Variants in GLIS3 observed in about 807,000 individuals in gnomAD.
GLIS3 encodes the protein zinc finger protein GLIS3.
In GLIS3, 53 loss-of-function variants were observed where a neutral mutation model predicts 78.6. That is an observed-to-expected ratio of 0.67 (90% confidence interval 0.54 to 0.85). The LOEUF is 0.85. Among genes scored for constraint, GLIS3 ranks in the 40% least tolerant of loss-of-function variants. The pLI is 0.00. For synonymous variants in GLIS3, 684 were observed against 509.9 expected (o/e 1.34, Z -4.60); for missense variants, 1,703 against 1,231.1 (o/e 1.38, Z -5.74).
At chr9:3,965,194 T>TTTTC (rs1817848200) in intron 4 of GLIS3, among the ~76,000 whole-genome samples, 2 of 84,316 alleles carry the variant, frequency 2.4e-5, no homozygotes, top group East Asian at 4.7e-4. Flanking sequence ...TTTTCTTTTC[T>TTTTC]TTTTTTTTTT....
chr9:4,342,620 C>G (rs1817851117), intron 2 of GLIS3, among the ~76,000 whole-genome samples: 1 of 152,170 alleles, frequency 6.6e-6, no homozygotes, highest in African/African-American at 2.4e-5. Flanking sequence ...TAGTTCTTTT[C>G]TAATTCTGTG....
chr9:4,361,719 C>T, the GLIS3 span, among the ~76,000 whole-genome samples: 1 of 152,150 alleles, frequency 6.6e-6, no homozygotes, highest in African/African-American at 2.4e-5. Flanking sequence ...AGGGAAGAGT[C>T]GGCATTAAAA....
chr9:4,286,107 A>C lies in GLIS3; in HGVS notation c.319T>G (p.Ser107Ala). 1 of 1,613,546 alleles carries C rather than the reference A, an allele frequency of 6.2e-7. No individual in the cohort carries two copies. The highest frequency in any genetic ancestry group is 8.5e-7 in the Non-Finnish European group (1 of 1,179,490). ...RFQVTQAGGM[S>A]GSHTLKPKQQ... ...TTTGGCTTTAAAGTATGTGACCCTG[A>C]CATGCCTCCAGCCTGGGTGACCTGG... Residue 107 changes from serine to alanine, a missense_variant, in exon 2 of 11, where the codon TCA becomes GCA. By Grantham distance (99) the Ser-to-Ala change is moderately conservative. Coordinates refer to ENST00000381971, the MANE Select transcript of GLIS3 (RefSeq NM_001042413.2).
At chr9:4,397,119 G>A in the GLIS3 span, among the ~76,000 whole-genome samples, 63 of 137,854 alleles carry the variant, frequency 4.6e-4, 1 homozygote, top group Admixed American at 2.0e-3. Flanking sequence ...TCCACCTCCT[G>A]GGTTCACGCC....
chr9:4,245,303 C>T (rs956112635), intron 2 of GLIS3, among the ~76,000 whole-genome samples: 2 of 152,176 alleles, frequency 1.3e-5, no homozygotes, highest in Non-Finnish European at 2.9e-5. Context: ...CTCAGCATTC[C>T]ACACGGGATC....
the GLIS3 span, among the ~76,000 whole-genome samples, chr9:4,357,591 A>ATGTGTGTG: frequency 1.6e-5 from 2 of 127,808 alleles, no homozygotes; most frequent in African/African-American, 6.5e-5. Flanking sequence ...GTGTGTGTGC[A>ATGTGTGTG]TGTGTATGTG....
At chr9:4,191,284 G>C (rs185797635) in intron 2 of GLIS3, among the ~76,000 whole-genome samples, 1 of 152,126 alleles carries the variant, frequency 6.6e-6, no homozygotes, top group Admixed American at 6.6e-5. Flanking sequence ...GTATTTAGGA[G>C]TTTTCTTCTT....
chr9:4,345,397 T>C (rs1201648573), intron 2 of GLIS3, among the ~76,000 whole-genome samples: 8 of 152,258 alleles, frequency 5.3e-5, no homozygotes, highest in African/African-American at 1.7e-4. Context: ...TTCTTTTTTA[T>C]GACAATTGAC....
the GLIS3 span, among the ~76,000 whole-genome samples, chr9:4,451,872 C>G: frequency 6.7e-6 from 1 of 149,810 alleles, no homozygotes; most frequent in Non-Finnish European, 1.5e-5. Context: ...AAATTTATAG[C>G]ACTAAATGCC....
At chr9:3,835,695 ACCAT>A (rs767521990) in intron 9 of GLIS3, among the ~76,000 whole-genome samples, 6 of 152,236 alleles carry the variant, frequency 3.9e-5, no homozygotes, top group Non-Finnish European at 8.8e-5. Flanking sequence ...ATTAACAGAG[ACCAT>A]CCAATGTAAA....
At chr9:4,152,042 A>T in intron 2 of GLIS3, 1 of 613,788 alleles carries the variant, frequency 1.6e-6, no homozygotes, top group Non-Finnish European at 2.0e-6. Context: ...CCAGAACCTC[A>T]AACCCTCCCA....
chr9:3,955,802 G>T (rs1258026529), intron 4 of GLIS3, among the ~76,000 whole-genome samples: 1 of 151,988 alleles, frequency 6.6e-6, no homozygotes, highest in Non-Finnish European at 1.5e-5. Flanking sequence ...AATACACAAA[G>T]CTCTTCAGAA....
At chr9:4,081,372 A>G (rs1031269757) in intron 4 of GLIS3, 3 of 152,202 alleles carry the variant, frequency 2.0e-5, no homozygotes, top group Admixed American at 6.5e-5. Flanking sequence ...AAATTAGACT[A>G]CATTTCCCAG....
chr9:4,446,796 C>G, the GLIS3 span, among the ~76,000 whole-genome samples: 1 of 151,894 alleles, frequency 6.6e-6, no homozygotes, highest in African/African-American at 2.4e-5. Context: ...CAGGCATGAG[C>G]CACTGCGCCT....
chr9:4,086,111 T>C (rs538111257), intron 4 of GLIS3, among the ~76,000 whole-genome samples: 2 of 152,342 alleles, frequency 1.3e-5, no homozygotes, highest in East Asian at 3.9e-4. Flanking sequence ...TCTCTCACAA[T>C]TTGACCTCAA....
intron 9 of GLIS3, among the ~76,000 whole-genome samples, chr9:3,853,507 A>G (rs1819568642): frequency 6.6e-6 from 1 of 152,182 alleles, no homozygotes; most frequent in Admixed American, 6.5e-5. Context: ...AATTTTTTAA[A>G]AAAGAAGGGA....
intron 2 of GLIS3, among the ~76,000 whole-genome samples, chr9:4,243,755 T>G (rs1823547583): frequency 6.6e-6 from 1 of 152,206 alleles, no homozygotes; most frequent in South Asian, 2.1e-4. Flanking sequence ...TGGAATGGAT[T>G]AGGTGTAATC....
At chr9:4,289,313 A>T (rs954345685) in intron 1 of GLIS3, among the ~76,000 whole-genome samples, 1 of 152,178 alleles carries the variant, frequency 6.6e-6, no homozygotes, top group African/African-American at 2.4e-5. Context: ...TATAATCAAG[A>T]ATAAATATGT....
At chr9:4,302,547 T>A (rs58363519), upstream of GLIS3, among the ~76,000 whole-genome samples, 8,990 of 152,336 alleles carry the variant, frequency 0.059, 873 homozygotes, top group African/African-American at 0.2. Context: ...AAATGGGGAC[T>A]CTTTGCATAT....
Sources: gnomAD v4.1 joint callset for allele counts (sites outside exome capture counted in the v4.1 genomes callset) on GRCh38, gnomAD v4.1.1 for gene constraint, MANE v1.5 for transcripts, NCBI Gene and HGNC (gene_info 2026-07-23, HGNC 2026-07-21) for gene names.